GAREM1: variants seen among roughly 807,000 people sequenced by gnomAD.
GAREM1 encodes the protein GRB2 associated regulator of MAPK1 subtype 1, also known as GRB2-associated and regulator of MAPK protein 1.
Under a neutral mutation model 71.3 loss-of-function variants are expected in GAREM1, and 26 were observed. The observed-to-expected ratio is 0.36, with a 90% CI of 0.27 to 0.51. The LOEUF (loss-of-function observed/expected upper bound fraction) is 0.51. GAREM1 is among the 20% of genes least tolerant of loss of function. GAREM1 has a pLI of 0.95. For missense variants in GAREM1, 1,026 were observed against 1,103.1 expected (o/e 0.93, Z 0.99); for synonymous variants, 440 against 433.2 (o/e 1.02, Z -0.20).
chr18:32,468,096 T>C (rs991060664), intron 1 of GAREM1, among the ~76,000 whole-genome samples: 7 of 152,198 alleles, frequency 4.6e-5, no homozygotes, highest in African/African-American at 1.4e-4. Flanking sequence ...TAAACGAGGA[T>C]TTCCTTTAGT....
intron 1 of GAREM1, among the ~76,000 whole-genome samples, chr18:32,405,199 TC>T (rs2048354126): frequency 6.6e-6 from 1 of 152,124 alleles, no homozygotes; most frequent in Admixed American, 6.6e-5. Flanking sequence ...ATTTTTTTTT[TC>T]TTTTTTTTGT....
In GAREM1 at chr18:32,272,627, C is replaced by CT. The variant is rs549844914; in HGVS notation, c.1567-2245dup. ...AAAGACCCTTGCACCATTCTGGGGT[C>CT]TTTTTTTTTTTTGGAGACGGAGTTT... On this transcript the variant is annotated intron_variant, in intron 4 of 5. Coordinates refer to ENST00000269209, the MANE Select transcript of GAREM1 (RefSeq NM_001242409.2). 5.6e-3 allele frequency among the ~76,000 whole-genome samples: 804 copies of CT among 143,992 alleles called. 8 individuals are homozygous for CT. Among genetic ancestry groups the CT allele is most frequent in the African/African-American group, 0.018 (717 of 39,588 alleles). The allele number at this position is 143,992 out of a possible 152,430, so 94.5% of individuals were successfully genotyped here. A position where few individuals can be genotyped will look rare whatever the true frequency, so the allele number is the denominator to read the frequency against.
In GAREM1 at chr18:32,422,101, T is replaced by C. The variant is rs552275826; in HGVS notation, c.122-29066A>G. ...TGTGCTGCACCCATTAACTCTTCAT[T>C]TAACATTAGGTATATCTCCTAATGC... On this transcript the variant is annotated intron_variant, in intron 1 of 5. Coordinates refer to ENST00000269209, the MANE Select transcript of GAREM1 (RefSeq NM_001242409.2). Among the ~76,000 whole-genome samples the C allele has an allele frequency of 3.9e-5, 6 of 152,224 alleles. No individual in the cohort carries two copies. In the East Asian group the frequency reaches 1.2e-3, roughly 29 times the overall value.
intron 4 of GAREM1, among the ~76,000 whole-genome samples, chr18:32,282,591 A>T (rs1267609536): frequency 6.6e-6 from 1 of 152,064 alleles, no homozygotes; most frequent in East Asian, 1.9e-4. Context: ...GCTGGAGTAT[A>T]GTGGCACGAT....
rs145050553 is a variant in GAREM1 at position 32,322,179 on chromosome 18, G to T, written c.263-11856C>A. Among the ~76,000 whole-genome samples the T allele has an allele frequency of 2.9e-3, 444 of 152,296 alleles. 3 individuals are homozygous for T. Among genetic ancestry groups the T allele is most frequent in the African/African-American group, 0.01 (431 of 41,566 alleles). ...CTGTTCCTGCCCATCTCTGGCTGAG[G>T]CTATTTAGCCACTGGCTGAAACTAA... On this transcript the variant is annotated intron_variant, in intron 2 of 5. Coordinates refer to ENST00000269209, the MANE Select transcript of GAREM1 (RefSeq NM_001242409.2).
intron 1 of GAREM1, among the ~76,000 whole-genome samples, chr18:32,455,054 G>A (rs1473469331): frequency 1.3e-5 from 2 of 152,206 alleles, no homozygotes; most frequent in African/African-American, 4.8e-5. Context: ...AATAAAGTCT[G>A]CATGGAATCC....
At chr18:32,332,294 A>G (rs1305001369) in intron 2 of GAREM1, among the ~76,000 whole-genome samples, 10 of 151,660 alleles carry the variant, frequency 6.6e-5, no homozygotes, top group African/African-American at 1.9e-4. Flanking sequence ...TGAGGTCCTG[A>G]ATGCTGGTGT....
At chr18:32,389,243 C>A (rs922304943) in intron 2 of GAREM1, among the ~76,000 whole-genome samples, 1 of 152,116 alleles carries the variant, frequency 6.6e-6, no homozygotes, top group Admixed American at 6.5e-5. Flanking sequence ...ATTCAACTAG[C>A]TTGAATGAAG....
rs143497320 is a variant in GAREM1 at position 32,459,759 on chromosome 18, A to G, written c.121+10549T>C. ...ACTGGGGACCAGAAATGACAATGTTAGTTTTTTTATTCAAACCAACCCTTA... is the reference window on the plus strand; with the variant it reads ...ACTGGGGACCAGAAATGACAATGTTGGTTTTTTTATTCAAACCAACCCTTA... On this transcript the variant is annotated intron_variant, in intron 1 of 5. Transcript: ENST00000269209. Among the ~76,000 whole-genome samples, 174 of 152,226 alleles carry G rather than the reference A, an allele frequency of 1.1e-3. 3 individuals carry two copies. Among genetic ancestry groups the G allele is most frequent in the Non-Finnish European group, 4.0e-4 (27 of 67,990 alleles).
intron 1 of GAREM1, among the ~76,000 whole-genome samples, chr18:32,414,450 TA>T (rs541664782): frequency 1.1e-4 from 16 of 149,528 alleles, no homozygotes; most frequent in African/African-American, 3.4e-4. Context: ...TGTGGTTACA[TA>T]AAAAAAAAGG....
At chr18:32,332,390 TG>T (rs890581650) in intron 2 of GAREM1, among the ~76,000 whole-genome samples, 17 of 151,524 alleles carry the variant, frequency 1.1e-4, no homozygotes, top group African/African-American at 1.9e-4. Flanking sequence ...CATGCTCACA[TG>T]GGGGGGTTGG....
At chr18:32,418,858 A>G (rs2048491897) in intron 1 of GAREM1, among the ~76,000 whole-genome samples, 1 of 152,198 alleles carries the variant, frequency 6.6e-6, no homozygotes, top group African/African-American at 2.4e-5. Flanking sequence ...GACAGAAATG[A>G]AGAGAAGGAT....
At chr18:32,270,494 T>C (rs2041444613) in intron 4 of GAREM1, 111 bp from the exon 5 acceptor site, 1 of 854,298 alleles carries the variant, frequency 1.2e-6, no homozygotes, top group Non-Finnish European at 1.8e-6. Context: ...AACAGCAGGG[T>C]GTAAGCATGG....
intron 2 of GAREM1, among the ~76,000 whole-genome samples, chr18:32,355,295 A>C (rs2047793140): frequency 6.6e-6 from 1 of 152,180 alleles, no homozygotes. Context: ...TCACAAAGCA[A>C]GAGGCCTATG....
At chr18:32,438,758 C>T (rs77535122) in intron 1 of GAREM1, among the ~76,000 whole-genome samples, 2,126 of 152,242 alleles carry the variant, frequency 0.014, 24 homozygotes, top group Middle Eastern at 0.037. Context: ...CATTACCTTC[C>T]GAGATTGCTT....
chr18:32,439,751 A>G (rs867939566), intron 1 of GAREM1, among the ~76,000 whole-genome samples: 9 of 152,124 alleles, frequency 5.9e-5, no homozygotes, highest in Middle Eastern at 3.4e-3. Flanking sequence ...AATGTTGGGT[A>G]CTGAGCCTTA....
At chr18:32,451,400 T>G (rs1224316737) in intron 1 of GAREM1, among the ~76,000 whole-genome samples, 2 of 152,036 alleles carry the variant, frequency 1.3e-5, no homozygotes, top group African/African-American at 4.8e-5. Context: ...CACTTTGGAG[T>G]TGCTACTGCC....
intron 2 of GAREM1, among the ~76,000 whole-genome samples, chr18:32,366,585 T>G (rs112276873): frequency 5.9e-5 from 9 of 152,346 alleles, no homozygotes; most frequent in Middle Eastern, 3.4e-3. Context: ...AAATGGCCGG[T>G]AGACTAGAAA....
chr18:32,277,408 C>T (rs1472415683), intron 4 of GAREM1, among the ~76,000 whole-genome samples: 1 of 152,172 alleles, frequency 6.6e-6, no homozygotes, highest in African/African-American at 2.4e-5. Context: ...TTTTCCATTG[C>T]TCCCTGCCTC....
Sources: gnomAD v4.1 joint callset for allele counts (sites outside exome capture counted in the v4.1 genomes callset) on GRCh38, gnomAD v4.1.1 for gene constraint, MANE v1.5 for transcripts, NCBI Gene and HGNC (gene_info 2026-07-23, HGNC 2026-07-21) for gene names.